GABRD: variants seen among roughly 807,000 people sequenced by gnomAD.
GABRD encodes the protein gamma-aminobutyric acid receptor subunit delta.
Under a neutral mutation model 47.3 loss-of-function variants are expected in GABRD, and 25 were observed. That is an observed-to-expected ratio of 0.53 (90% CI 0.39 to 0.74). The LOEUF (loss-of-function observed/expected upper bound fraction) is 0.74. Ranked by LOEUF, GABRD falls within the 30% of genes least tolerant of loss-of-function variation. The pLI is 0.00. For synonymous variants in GABRD, 314 were observed against 278.8 expected, an observed-to-expected ratio of 1.13 and a Z score of -1.26; for missense variants, 497 against 643.4, an observed-to-expected ratio of 0.77 and a Z score of 2.46.
Position 2,029,132 on chromosome 1 carries a change from G to T in GABRD, c.713G>T (p.Ser238Ile), listed in dbSNP as rs1484812847. The change falls in exon 7 of 9, where the codon AGC becomes ATC. Residue 238 changes from serine to isoleucine, a missense_variant. Physicochemically the swap from Ser to Ile is moderately radical, Grantham distance 142. Around this residue, in one of 3 missense-constraint regions of GABRD, gnomAD observed 285 missense variants for 436.6 expected, o/e 0.65. Coordinates refer to ENST00000378585, the MANE Select transcript of GABRD (RefSeq NM_000815.5). Reference sequence around the variant, plus strand: ...GCAGCTGGCCAGTTCCCACGGCTCAGCCTGCACTTCCACCTGCGGAGGAAC... The same window carrying T: ...GCAGCTGGCCAGTTCCCACGGCTCATCCTGCACTTCCACCTGCGGAGGAAC... Reference protein sequence around the residue: ...FKSAGQFPRLSLHFHLRRNRG... With the variant: ...FKSAGQFPRLILHFHLRRNRG... 1 of 1,543,764 alleles carries T rather than the reference G, an allele frequency of 6.5e-7. No homozygotes were observed. The highest frequency in any genetic ancestry group is 8.7e-7 in the Non-Finnish European group (1 of 1,147,102).
intron 2 of GABRD, 103 bp downstream of exon 2, chr1:2,025,157 C>A: frequency 1.6e-6 from 2 of 1,273,788 alleles, no homozygotes; most frequent in Non-Finnish European, 1.1e-6. Flanking sequence ...GGCAAGGAAG[C>A]CTGGCTCTCC....
chr1:2,019,397 G>C lies in GABRD; in HGVS notation c.-27G>C. ...CGGCCGCCGGGAGCCAAGTTTGCGC[G>C]GACCCCGTCCCGAGCCCGCCGCGGC... On this transcript the variant is annotated 5_prime_UTR_variant, in exon 1 of 9. Coordinates refer to ENST00000378585, the MANE Select transcript of GABRD (RefSeq NM_000815.5). 1 of 1,054,034 alleles carries C rather than the reference G, an allele frequency of 9.5e-7. No homozygotes were observed. The highest frequency in any genetic ancestry group is 1.1e-6 in the Non-Finnish European group (1 of 876,152). 65.3% of individuals were successfully genotyped at this position (1,054,034 alleles called of 1,614,324 possible).
intron 1 of GABRD, 100 bp downstream of exon 1, chr1:2,019,591 C>A: frequency 4.4e-6 from 3 of 688,120 alleles, no homozygotes; most frequent in Non-Finnish European, 5.6e-6. Context: ...GAGCCCCGGG[C>A]CCCGGACCCC....
Position 2,028,889 on chromosome 1 carries a change from C to T in GABRD, c.692-222C>T, listed in dbSNP as rs1436928686. On this transcript the variant is annotated intron_variant, in intron 6 of 8. Coordinates refer to ENST00000378585, the MANE Select transcript of GABRD (RefSeq NM_000815.5). The surrounding 1 kb of genome is among the most constrained non-coding windows in gnomAD (Gnocchi z 6.4). ...CAGTAACCTCAGCCTCTCTCCCTCT[C>T]CTCTGGGTGACACTGCTCAGGACCA... 1 of 598,648 alleles carries T rather than the reference C, an allele frequency of 1.7e-6. No homozygotes were observed. Among genetic ancestry groups the T allele is most frequent in the East Asian group, 2.8e-5 (1 of 35,560 alleles). 37.1% of individuals were successfully genotyped at this position (598,648 alleles called of 1,614,324 possible). A position where few individuals can be genotyped will look rare whatever the true frequency, so the allele number is the denominator to read the frequency against.
Position 2,028,278 on chromosome 1 carries a change from T to C in GABRD, c.677T>C (p.Met226Thr). ...ITSYRFTTELMNFKSAGQFPR... is the reference protein window; with the variant it reads ...ITSYRFTTELTNFKSAGQFPR... ...AGCTACCGCTTCACCACGGAGCTGA[T>C]GAACTTCAAGTCCGGTAACATATGC... Residue 226 changes from methionine (M) to threonine (T), a missense_variant, in exon 6 of 9, where the codon ATG (methionine) becomes ACG (threonine). Coordinates refer to ENST00000378585, the MANE Select transcript of GABRD (RefSeq NM_000815.5). This position sits in a 1 kb window ranked among gnomAD's most constrained non-coding sequence, Gnocchi z 6.4. 2.5e-6 allele frequency: 4 copies of C among 1,610,978 alleles called. No individual in the cohort carries two copies. Among genetic ancestry groups the C allele is most frequent in the Non-Finnish European group, 3.4e-6 (4 of 1,179,350 alleles).
At chr1:2,019,620 TCCTC>T (rs1658719541) in intron 1 of GABRD, 129 bp downstream of exon 1, 1 of 418,192 alleles carries the variant, frequency 2.4e-6, no homozygotes, top group African/African-American at 2.2e-5. Context: ...GAGCCCCGCG[TCCTC>T]CCTCCCCGGG....
chr1:2,029,369 G>A, intron 7 of GABRD, 103 bp downstream of exon 7: 1 of 1,453,146 alleles, frequency 6.9e-7, no homozygotes, highest in Non-Finnish European at 9.2e-7. Context: ...TCTGGACCAT[G>A]CCAGCTGTCC....
intron 4 of GABRD, chr1:2,026,850 C>T (rs951457968): frequency 6.7e-6 from 1 of 149,930 alleles, no homozygotes; most frequent in Non-Finnish European, 1.5e-5. Context: ...AAAAAACAAA[C>T]AAAAAAAAGA....
In GABRD at chr1:2,029,636, C is replaced by T. The variant is rs200124298; in HGVS notation, c.933C>T (p.Asp311=). Residue 311 remains aspartate, a synonymous_variant, in exon 8 of 9, where the codon GAC becomes GAT. Coordinates refer to ENST00000378585, the MANE Select transcript of GABRD (RefSeq NM_000815.5). ...GGGCATCAGCCATCAAGGCACTGGA[C>T]GTCTACTTCTGGATCTGCTATGTCT... ...LPRASAIKAL[D]VYFWICYVFV... The T allele has an allele frequency of 4.3e-6, 7 of 1,613,488 alleles. No individual in the cohort carries two copies. Among genetic ancestry groups the T allele is most frequent in the East Asian group, 2.2e-5 (1 of 44,884 alleles).
At chr1:2,027,685 G>T in intron 5 of GABRD, 26 bp downstream of exon 5, 1 of 1,602,182 alleles carries the variant, frequency 6.2e-7, no homozygotes, top group African/African-American at 1.3e-5. Flanking sequence ...AGGCGGGTAG[G>T]GGCTTCTCCA....
At chr1:2,029,071 TGGGCA>T (rs1171869036) in intron 6 of GABRD, 35 bp from the exon 7 acceptor site, 9 of 1,536,302 alleles carry the variant, frequency 5.9e-6, no homozygotes, top group Admixed American at 2.0e-5. Flanking sequence ...TGGGCTGGGC[TGGGCA>T]GGGATGGGGG....
At chr1:2,027,786 T>G (rs1020808841) in intron 5 of GABRD, 127 bp downstream of exon 5, 13 of 855,982 alleles carry the variant, frequency 1.5e-5, no homozygotes, top group Middle Eastern at 2.6e-4. Flanking sequence ...AGCTTCTGCA[T>G]GCAAGAAGCC....
chr1:2,022,710 C>T (rs543170714), intron 1 of GABRD, among the ~76,000 whole-genome samples: 145 of 152,386 alleles, frequency 9.5e-4, no homozygotes, highest in African/African-American at 3.3e-3. Context: ...CCATCTTATA[C>T]TTTGTTACCA....
Position 2,030,597 on chromosome 1 carries a change from G to T in GABRD, c.*315G>T. On this transcript the variant is annotated 3_prime_UTR_variant, in exon 9 of 9. Transcript: ENST00000378585. ...AGCCGCGGATTTTTATGTTCAGAAAGTGATCCTGGTTTCTAGGTCTTTGCT... is the reference window on the plus strand; with the variant it reads ...AGCCGCGGATTTTTATGTTCAGAAATTGATCCTGGTTTCTAGGTCTTTGCT... 1 of 281,756 alleles carries T rather than the reference G, an allele frequency of 3.5e-6. No individual in the cohort carries two copies. Among genetic ancestry groups the T allele is most frequent in the South Asian group, 1.5e-4 (1 of 6,594 alleles). 17.5% of individuals were successfully genotyped at this position (281,756 alleles called of 1,614,324 possible). A position where few individuals can be genotyped will look rare whatever the true frequency, so the allele number is the denominator to read the frequency against.
chr1:2,030,181 A>G lies in GABRD; in HGVS notation c.1258A>G (p.Arg420Gly). ...GGQGGIRARL[R>G]PIDADTIDIY... ...CCAGGGGGGCATCCGTGCCCGGCTC[A>G]GGCCCATCGACGCAGACACCATTGA... The change falls in exon 9 of 9, where the codon AGG becomes GGG. Residue 420 changes from arginine to glycine, a missense_variant. Transcript: ENST00000378585. 6.4e-7 allele frequency: 1 copy of G among 1,568,922 alleles called. No homozygotes were observed. The highest frequency in any genetic ancestry group is 1.9e-5 in the Admixed American group (1 of 53,106).
rs143115257 is a variant in GABRD at position 2,028,178 on chromosome 1, G to A, written c.577G>A (p.Val193Ile). ...ESYGYSSEDI[V>I]YYWSESQEHI... The stretch of plus-strand genomic sequence containing the variant: ...AGACGGTTACTCATCGGAGGACATC[G>A]TCTACTACTGGTCGGAGAGCCAGGA... The change falls in exon 6 of 9, where the codon GTC becomes ATC. Residue 193 changes from valine (V) to isoleucine (I), a missense_variant. Val to Ile is a conservative substitution (Grantham distance 29). Around this residue, in one of 3 missense-constraint regions of GABRD, gnomAD observed 285 missense variants for 436.6 expected, o/e 0.65. Transcript: ENST00000378585. The surrounding 1 kb of genome is among the most constrained non-coding windows in gnomAD (Gnocchi z 6.4). The A allele has an allele frequency of 9.1e-5, 147 of 1,612,320 alleles. No homozygotes were observed. In the African/African-American group the frequency reaches 1.6e-3, roughly 18 times the overall value.
chr1:2,024,888 C>T lies in GABRD; in HGVS notation c.69-54C>T, dbSNP rs529662961. On this transcript the variant is annotated intron_variant, in intron 1 of 8. Coordinates refer to ENST00000378585, the MANE Select transcript of GABRD (RefSeq NM_000815.5). ...GCATCCCCAGGAAGGGACCCAGGCT[C>T]AGTGGAATTAAATTAAGTCCTGGCC... is the stretch of plus-strand genomic sequence containing the variant. 1.8e-5 allele frequency: 24 copies of T among 1,315,828 alleles called. No individual in the cohort carries two copies. In the South Asian group the frequency reaches 2.5e-4, roughly 14 times the overall value. The allele number at this position is 1,315,828 out of a possible 1,614,324, so 81.5% of individuals were successfully genotyped here.
At chr1:2,025,180 C>T (rs945986428) in intron 2 of GABRD, 126 bp downstream of exon 2, 2 of 1,246,126 alleles carry the variant, frequency 1.6e-6, no homozygotes, top group African/African-American at 1.5e-5. Context: ...TGGGGGGCTC[C>T]ATCAGAGCCA....
chr1:2,021,183 C>T (rs1327644297), intron 1 of GABRD, among the ~76,000 whole-genome samples: 1 of 152,230 alleles, frequency 6.6e-6, no homozygotes, highest in African/African-American at 2.4e-5. Flanking sequence ...CTCAGCTCCC[C>T]TTTCGCTCTC....
Sources: allele counts gnomAD v4.1 joint callset (sites outside exome capture counted in the v4.1 genomes callset), GRCh38; gene constraint gnomAD v4.1.1; regional missense constraint gnomAD v4.1.1; non-coding constraint Gnocchi (gnomAD v3.1); transcripts MANE v1.5; gene names NCBI Gene and HGNC (gene_info 2026-07-23, HGNC 2026-07-21).